The following DCC variants were observed in gnomAD, a reference collection of about 807,000 sequenced individuals.
The protein encoded by DCC is netrin receptor DCC.
A neutral mutation model predicts 172.5 loss-of-function variants in DCC; 58 were observed. The ratio of observed to expected loss-of-function variants is 0.34; its 90% CI spans 0.27 to 0.42. The LOEUF is 0.42. DCC is among the 10% of genes least tolerant of loss of function. The pLI, the probability that DCC is intolerant of heterozygous loss-of-function variation, is 1.00. For synonymous variants in DCC, 709 were observed against 644.5 expected, an observed-to-expected ratio of 1.10 and a Z score of -1.52; for missense variants, 1,740 against 1,791.0, an observed-to-expected ratio of 0.97 and a Z score of 0.51.
intron 1 of DCC, among the ~76,000 whole-genome samples, chr18:52,688,729 G>A (rs1023547226): frequency 4.0e-5 from 6 of 151,878 alleles, no homozygotes; most frequent in African/African-American, 1.2e-4. Flanking sequence ...CTATTTTTAT[G>A]TATTTTATAC....
At chr18:52,944,595 G>A (rs928688600) in intron 5 of DCC, among the ~76,000 whole-genome samples, 1 of 152,192 alleles carries the variant, frequency 6.6e-6, no homozygotes, top group Non-Finnish European at 1.5e-5. Flanking sequence ...GAAGTCTATA[G>A]CACTGGAGCT....
intron 7 of DCC, among the ~76,000 whole-genome samples, chr18:53,082,912 G>T (rs1170051915): frequency 6.6e-6 from 1 of 151,528 alleles, no homozygotes; most frequent in African/African-American, 2.4e-5. Flanking sequence ...GCCTCCTTTT[G>T]TGGATCCTGA....
At chr18:52,964,177 A>G (rs899389971) in intron 5 of DCC, among the ~76,000 whole-genome samples, 5 of 152,174 alleles carry the variant, frequency 3.3e-5, no homozygotes, top group African/African-American at 1.2e-4. Flanking sequence ...GAACTTACCT[A>G]AGGAGACTTG....
intron 15 of DCC, among the ~76,000 whole-genome samples, chr18:53,384,348 A>C (rs970141916): frequency 6.6e-6 from 1 of 152,068 alleles, no homozygotes; most frequent in Non-Finnish European, 1.5e-5. Flanking sequence ...TAAGTCATAT[A>C]TTATTTTTGT....
At chr18:53,181,122 G>A (rs1034671986) in intron 9 of DCC, among the ~76,000 whole-genome samples, 1 of 152,054 alleles carries the variant, frequency 6.6e-6, no homozygotes, top group Non-Finnish European at 1.5e-5. Flanking sequence ...AGAAATCCTT[G>A]ATAAATTTTC....
intron 7 of DCC, among the ~76,000 whole-genome samples, chr18:53,069,697 C>G (rs778365747): frequency 6.6e-6 from 1 of 151,860 alleles, no homozygotes; most frequent in African/African-American, 2.4e-5. Context: ...GAAAAACAGT[C>G]TTTGTCTCTT....
chr18:53,236,187 C>T (rs74402051), intron 12 of DCC, among the ~76,000 whole-genome samples: 97 of 152,132 alleles, frequency 6.4e-4, no homozygotes, highest in African/African-American at 2.1e-3. Flanking sequence ...ATTTTGTATT[C>T]GCAACAGAGG....
chr18:53,087,499 T>A (rs1400390379), intron 7 of DCC, among the ~76,000 whole-genome samples: 1 of 152,050 alleles, frequency 6.6e-6, no homozygotes, highest in Admixed American at 6.5e-5. Context: ...ATTCTGGATA[T>A]TAGCCCTTTG....
chr18:53,263,655 C>T (rs2056632639), intron 12 of DCC, among the ~76,000 whole-genome samples: 1 of 152,158 alleles, frequency 6.6e-6, no homozygotes, highest in African/African-American at 2.4e-5. Flanking sequence ...CTTTTTTAGA[C>T]ATAAATATTA....
intron 15 of DCC, among the ~76,000 whole-genome samples, chr18:53,380,808 A>G (rs1325386250): frequency 1.3e-5 from 2 of 152,180 alleles, no homozygotes; most frequent in Non-Finnish European, 2.9e-5. Context: ...ATATTCTTAT[A>G]CCAGTTACAA....
At chr18:53,101,784 CTTCCTGACTACCACTGGGCTGTGT>C (rs1427243237) in intron 7 of DCC, among the ~76,000 whole-genome samples, 1 of 151,250 alleles carries the variant, frequency 6.6e-6, no homozygotes, top group Admixed American at 6.6e-5. Context: ...AGTGGCAGTG[CTTCCTGACTACCACTGGGCTGTGT>C]GTGTGTGTGT....
At chr18:52,418,185 A>G (rs528296957) in intron 1 of DCC, among the ~76,000 whole-genome samples, 1 of 152,304 alleles carries the variant, frequency 6.6e-6, no homozygotes, top group Non-Finnish European at 1.5e-5. Context: ...AGAAATCACA[A>G]TTCTGCAAGG....
chr18:53,339,648 G>C (rs1052164101), intron 14 of DCC, 65 bp from the exon 15 acceptor site: 2 of 1,197,320 alleles, frequency 1.7e-6, no homozygotes, highest in Non-Finnish European at 2.5e-6. Context: ...TTGCTTAAAT[G>C]GTGTTCTGCC....
chr18:53,395,597 A>G (rs1385619742), intron 17 of DCC, among the ~76,000 whole-genome samples: 1 of 152,178 alleles, frequency 6.6e-6, no homozygotes, highest in Non-Finnish European at 1.5e-5. Flanking sequence ...TCCTGATTAT[A>G]CCAAAAATAT....
intron 7 of DCC, among the ~76,000 whole-genome samples, chr18:53,131,479 A>C (rs2043650124): frequency 6.6e-6 from 1 of 152,158 alleles, no homozygotes. Flanking sequence ...ATAAAACCTG[A>C]CAAATTATTG....
At chr18:52,853,086 C>T (rs1226999029) in intron 2 of DCC, among the ~76,000 whole-genome samples, 1 of 151,916 alleles carries the variant, frequency 6.6e-6, no homozygotes, top group Admixed American at 6.6e-5. Context: ...TGTTCAATTC[C>T]ACTCCTAAGA....
intron 1 of DCC, among the ~76,000 whole-genome samples, chr18:52,624,967 T>C (rs2034546613): frequency 6.6e-6 from 1 of 152,116 alleles, no homozygotes; most frequent in African/African-American, 2.4e-5. Flanking sequence ...GTAAACATCA[T>C]AGAGTGTCCT....
At chr18:53,397,262 T>G in intron 17 of DCC, 46 bp from the exon 18 acceptor site, 1 of 1,570,488 alleles carries the variant, frequency 6.4e-7, no homozygotes, top group Non-Finnish European at 8.8e-7. Flanking sequence ...TTTACCAAGT[T>G]GATAGAGTTT....
At chr18:52,519,005 G>C (rs1389477895) in intron 1 of DCC, among the ~76,000 whole-genome samples, 2 of 152,198 alleles carry the variant, frequency 1.3e-5, no homozygotes, top group African/African-American at 4.8e-5. Context: ...ACAGTTTTCA[G>C]TAGGTGGATG....
Sources: allele counts gnomAD v4.1 joint callset (sites outside exome capture counted in the v4.1 genomes callset), GRCh38; gene constraint gnomAD v4.1.1; transcripts MANE v1.5; gene names NCBI Gene and HGNC (gene_info 2026-07-23, HGNC 2026-07-21).